The following SPATA18 variants were observed in gnomAD, a reference collection of about 807,000 sequenced individuals.
The protein encoded by SPATA18 is mitochondria-eating protein.
In SPATA18, 54 loss-of-function variants were observed where a neutral mutation model predicts 68.1. The ratio of observed to expected loss-of-function variants is 0.79; its 90% CI spans 0.64 to 0.99. SPATA18 has a LOEUF of 0.99. Ranked by LOEUF, SPATA18 falls within the 50% of genes least tolerant of loss-of-function variation. SPATA18 has a pLI of 0.00. For missense variants in SPATA18, 724 were observed against 681.1 expected (o/e 1.06, Z -0.70); for synonymous variants, 242 against 244.8 (o/e 0.99, Z 0.11).
At position 52,076,876 on chromosome 4, in the gene SPATA18, C is replaced by G. The variant is rs140822209; in HGVS notation, c.856C>G (p.Pro286Ala). The change falls in exon 7 of 13, where the codon CCG (proline) becomes GCG (alanine). Residue 286 changes from proline to alanine, a missense_variant. Pro to Ala is a conservative substitution (Grantham distance 27, BLOSUM62 -1). Coordinates refer to ENST00000295213, the MANE Select transcript of SPATA18 (RefSeq NM_145263.4). The part of the protein sequence containing the change: ...SPSTAVKVRR[P>A]SPNRSKLSNV... ...CTCCACCGCTGTCAAGGTCAGGAGA[C>G]CGTCCCCAAACCGCTCCAAGCTGTC... The G allele has an allele frequency of 8.6e-4, 1,389 of 1,614,220 alleles. 1 individual carries two copies. Among genetic ancestry groups the G allele is most frequent in the Middle Eastern group, 5.1e-3 (31 of 6,062 alleles).
intron 10 of SPATA18, chr4:52,083,519 G>T (rs1297447387): frequency 1.0e-6 from 1 of 976,376 alleles, no homozygotes; most frequent in East Asian, 1.1e-4. Flanking sequence ...GGAAGCCAAG[G>T]CAGGAGGATT....
intron 9 of SPATA18, among the ~76,000 whole-genome samples, chr4:52,081,047 A>C (rs560913449): frequency 6.6e-6 from 1 of 152,232 alleles, no homozygotes; most frequent in Non-Finnish European, 1.5e-5. Flanking sequence ...CTCATGGAAG[A>C]GCTGATACTA....
chr4:52,052,127 A>C (rs565772367), intron 1 of SPATA18, among the ~76,000 whole-genome samples: 23 of 151,904 alleles, frequency 1.5e-4, no homozygotes, highest in African/African-American at 5.1e-4. Flanking sequence ...TGGTCTGGTC[A>C]TGCCTGCCAC....
In SPATA18 at chr4:52,051,676, C is replaced by G; in HGVS notation, c.-29C>G. Reference sequence around the variant, plus strand: ...CTGGTCCCCCCAAGTCTCCATCGCGCAGCGTGGGGCCGAGAGGAATAGTGA... The same window carrying G: ...CTGGTCCCCCCAAGTCTCCATCGCGGAGCGTGGGGCCGAGAGGAATAGTGA... On this transcript the variant is annotated 5_prime_UTR_variant, in exon 1 of 13. Transcript: ENST00000295213. The G allele has an allele frequency of 3.1e-6, 5 of 1,611,142 alleles. No individual in the cohort carries two copies. Among genetic ancestry groups the G allele is most frequent in the Non-Finnish European group, 4.2e-6 (5 of 1,177,268 alleles).
At chr4:52,083,402 A>G in intron 10 of SPATA18, 7 of 985,400 alleles carry the variant, frequency 7.1e-6, no homozygotes, top group Non-Finnish European at 8.4e-6. Flanking sequence ...GGGTTTTTGT[A>G]GCTTAAAAAT....
intron 6 of SPATA18, among the ~76,000 whole-genome samples, chr4:52,072,636 C>T (rs898202870): frequency 1.3e-5 from 2 of 152,170 alleles, no homozygotes; most frequent in African/African-American, 4.8e-5. Flanking sequence ...GAACTCTTGA[C>T]CTCAGGTGAT....
intron 2 of SPATA18, 70 bp from the exon 3 acceptor site, chr4:52,060,712 G>T (rs1346629098): frequency 7.6e-6 from 10 of 1,322,590 alleles, no homozygotes; most frequent in African/African-American, 2.9e-5. Flanking sequence ...CAACGTGCAG[G>T]TTAGTTACAT....
intron 4 of SPATA18, among the ~76,000 whole-genome samples, chr4:52,066,647 G>T (rs1262708865): frequency 6.6e-6 from 1 of 152,042 alleles, no homozygotes; most frequent in East Asian, 1.9e-4. Context: ...TTATCCTGAT[G>T]CTCTCCCTTC....
chr4:52,077,042 T>C lies in SPATA18; in HGVS notation c.1020+2T>C. ...CGGATCATCTACATCGCCACAGTGG[T>C]ATGTGACGCCTGCGGGACTCCCGGC... On this transcript the variant is annotated splice_donor_variant, in intron 7 of 12. Coordinates refer to ENST00000295213, the MANE Select transcript of SPATA18 (RefSeq NM_145263.4). LOFTEE classifies it high-confidence loss of function. 6.3e-7 allele frequency: 1 copy of C among 1,595,544 alleles called. No homozygotes were observed. The highest frequency in any genetic ancestry group is 8.5e-7 in the Non-Finnish European group (1 of 1,170,116).
intron 6 of SPATA18, among the ~76,000 whole-genome samples, chr4:52,076,074 G>A (rs1740313283): frequency 6.6e-6 from 1 of 152,200 alleles, no homozygotes; most frequent in African/African-American, 2.4e-5. Flanking sequence ...CTACCTCACA[G>A]AGAGGCAAAA....
chr4:52,090,976 C>T (rs1741888959), intron 11 of SPATA18, among the ~76,000 whole-genome samples: 2 of 151,968 alleles, frequency 1.3e-5, no homozygotes. Context: ...TTCTTGGAGG[C>T]TTTGTTTGTT....
At chr4:52,066,771 T>C (rs893757397) in intron 4 of SPATA18, among the ~76,000 whole-genome samples, 6 of 152,340 alleles carry the variant, frequency 3.9e-5, no homozygotes, top group African/African-American at 1.4e-4. Context: ...TTTCTGTTCC[T>C]GCGTTAGTTT....
intron 9 of SPATA18, among the ~76,000 whole-genome samples, chr4:52,081,363 G>C (rs754405132): frequency 1.8e-4 from 27 of 152,158 alleles, no homozygotes; most frequent in Non-Finnish European, 3.5e-4. Context: ...ACAGAACAAG[G>C]CTAACCCTTT....
At position 52,096,426 on chromosome 4, in the gene SPATA18, T is replaced by C. The variant is rs960014702; in HGVS notation, c.*1539T>C. The C allele has an allele frequency of 6.6e-6, 1 of 152,112 alleles. No homozygotes were observed. The highest frequency in any genetic ancestry group is 1.5e-5 in the Non-Finnish European group (1 of 68,022). 9.4% of individuals were successfully genotyped at this position (152,112 alleles called of 1,614,324 possible). Reference sequence around the variant, plus strand: ...TAACCCTGCAGACTCAATGTTCCCTTTTATAACAAGTATTTTATTCTGAAT... The same window carrying C: ...TAACCCTGCAGACTCAATGTTCCCTCTTATAACAAGTATTTTATTCTGAAT... On this transcript the variant is annotated 3_prime_UTR_variant, in exon 13 of 13. Coordinates refer to ENST00000295213, the MANE Select transcript of SPATA18 (RefSeq NM_145263.4).
chr4:52,085,907 G>A (rs1741390293), intron 11 of SPATA18, among the ~76,000 whole-genome samples: 1 of 151,946 alleles, frequency 6.6e-6, no homozygotes, highest in East Asian at 1.9e-4. Context: ...GTGAGATCCT[G>A]TCTTAAACAA....
chr4:52,054,641 G>A (rs1158163639), intron 1 of SPATA18, among the ~76,000 whole-genome samples: 1 of 151,924 alleles, frequency 6.6e-6, no homozygotes, highest in African/African-American at 2.4e-5. Flanking sequence ...GTGGAGGCAG[G>A]GACATGAAGG....
At chr4:52,056,758 A>C (rs1011750925) in intron 1 of SPATA18, among the ~76,000 whole-genome samples, 2 of 151,770 alleles carry the variant, frequency 1.3e-5, no homozygotes, top group African/African-American at 4.8e-5. Context: ...ATACCCATCT[A>C]CCTCCCCACC....
At chr4:52,083,794 G>A (rs887410419) in intron 10 of SPATA18, among the ~76,000 whole-genome samples, 2 of 148,258 alleles carry the variant, frequency 1.3e-5, no homozygotes, top group Non-Finnish European at 3.0e-5. Flanking sequence ...CAGCTGGAGT[G>A]CAGTGGTACG....
intron 11 of SPATA18, among the ~76,000 whole-genome samples, chr4:52,088,976 T>C (rs767574899): frequency 6.6e-6 from 1 of 152,226 alleles, no homozygotes; most frequent in Non-Finnish European, 1.5e-5. Flanking sequence ...TATTGGTCTA[T>C]TCAGGGATTC....
Sources: gnomAD v4.1 joint callset for allele counts (sites outside exome capture counted in the v4.1 genomes callset) on GRCh38, gnomAD v4.1.1 for gene constraint, MANE v1.5 for transcripts, NCBI Gene and HGNC (gene_info 2026-07-23, HGNC 2026-07-21) for gene names.